CLN5: variants seen among roughly 807,000 people sequenced by gnomAD.
CLN5 encodes CLN5 lysosomal BMP synthase, also known as bis(monoacylglycero)phosphate synthase CLN5.
A neutral mutation model predicts 36.7 loss-of-function variants in CLN5; 34 were observed. That is an observed-to-expected ratio of 0.93 (90% CI 0.71 to 1.23). The LOEUF is 1.23. Among genes scored for constraint, CLN5 ranks in the 50% most tolerant of loss-of-function variants. The pLI is 0.00. For synonymous variants in CLN5, 151 were observed against 155.1 expected (o/e 0.97, Z 0.20); for missense variants, 427 against 439.4 (o/e 0.97, Z 0.25).
At position 77,000,361 on chromosome 13, in the gene CLN5, G is replaced by A. The variant is rs67836242; in HGVS notation, c.566-97G>A. 34,366 of 1,180,594 alleles carry A rather than the reference G, an allele frequency of 0.029. 995 individuals carry two copies. Among genetic ancestry groups the A allele is most frequent in the African/African-American group, 0.13 (7,938 of 62,950 alleles). The allele number at this position is 1,180,594 out of a possible 1,614,324, so 73.1% of individuals were successfully genotyped here. On this transcript the variant is annotated intron_variant, in intron 3 of 3. Transcript: ENST00000377453. ...GATGTTACCACCGCACTCTAGCCTC[G>A]GCAACAGAGGGAGACCTGTCTTAAA...
chr13:76,995,382 T>TA (rs2034248436), intron 2 of CLN5, 154 bp downstream of exon 2: 1 of 714,918 alleles, frequency 1.4e-6, no homozygotes, highest in Admixed American at 2.2e-5. Context: ...AAATAGTTAC[T>TA]ATCAGATTTT....
intron 1 of CLN5, chr13:76,994,855 G>A (rs768933518): frequency 1.8e-5 from 9 of 513,086 alleles, no homozygotes; most frequent in South Asian, 2.5e-5. Flanking sequence ...AGGGAAGCCC[G>A]TATTTATCAG....
At position 77,000,694 on chromosome 13, in the gene CLN5, TATCTGGGAAATGAAAC is replaced by T. The variant is rs386833983; in HGVS notation, c.808_823del (p.Gly270PhefsTer12). 5.9e-5 allele frequency: 96 copies of T among 1,614,036 alleles called. No homozygotes were observed. The highest frequency in any genetic ancestry group is 7.7e-5 in the Non-Finnish European group (91 of 1,180,012). ...ATTTCTTTACAGTGGAGAACCTACT[TATCTGGGAAATGAAAC>T]ATCTGTTTTTGGGCCAACAGGAAAC... On this transcript the variant is annotated frameshift_variant, in exon 4 of 4. Transcript: ENST00000377453. LOFTEE classifies it high-confidence loss of function.
chr13:76,998,359 A>T (rs1000253633), intron 3 of CLN5: 7 of 152,188 alleles, frequency 4.6e-5, no homozygotes, highest in African/African-American at 1.4e-4. Context: ...GTCACATTTT[A>T]TATCTTATTG....
At position 76,995,121 on chromosome 13, in the gene CLN5, C is replaced by A; in HGVS notation, c.232C>A (p.Pro78Thr). The change falls in exon 2 of 4, where the codon CCA (proline) becomes ACA (threonine). Residue 78 changes from proline (P) to threonine (T), a missense_variant. Coordinates refer to ENST00000377453, the MANE Select transcript of CLN5 (RefSeq NM_006493.4). ...PYCQAKYTFC[P>T]TGSPIPVMEG... is the part of the protein sequence containing the mutation. Reference sequence around the variant, plus strand: ...TTGTCAAGCTAAGTATACTTTCTGTCCAACTGGCTCACCTATCCCAGTTAT... The same window carrying A: ...TTGTCAAGCTAAGTATACTTTCTGTACAACTGGCTCACCTATCCCAGTTAT... The A allele has an allele frequency of 1.9e-6, 3 of 1,614,098 alleles. No individual in the cohort carries two copies. Among genetic ancestry groups the A allele is most frequent in the Non-Finnish European group, 2.5e-6 (3 of 1,179,964 alleles).
At chr13:76,995,339 G>A in intron 2 of CLN5, 111 bp downstream of exon 2, 1 of 969,406 alleles carries the variant, frequency 1.0e-6, no homozygotes, top group Non-Finnish European at 1.7e-6. Flanking sequence ...TCATGTTGGT[G>A]TTTGTCTTAG....
intron 3 of CLN5, 143 bp downstream of exon 3, chr13:76,996,270 G>T: frequency 5.7e-6 from 4 of 704,660 alleles, no homozygotes; most frequent in South Asian, 3.7e-5. Flanking sequence ...TTAAACTTTG[G>T]GAATTTTTTT....
rs2034387928 is a variant in CLN5, at chr13:77,002,957, T to C, written c.*1988T>C. On this transcript the variant is annotated 3_prime_UTR_variant, in exon 4 of 4. Coordinates refer to ENST00000377453, the MANE Select transcript of CLN5 (RefSeq NM_006493.4). The stretch of plus-strand genomic sequence containing the variant: ...TATGCAGGGAAAACAAATGAGGATA[T>C]CTGTACCTGGAACTTTTAAACAAGA... 1 of 152,158 alleles carries C rather than the reference T, an allele frequency of 6.6e-6. No individual in the cohort carries two copies. Among genetic ancestry groups the C allele is most frequent in the Admixed American group, 6.5e-5 (1 of 15,276 alleles). The allele number at this position is 152,158 out of a possible 1,614,324, so 9.4% of individuals were successfully genotyped here. A position where few individuals can be genotyped will look rare whatever the true frequency, so the allele number is the denominator to read the frequency against.
chr13:76,995,181 C>T lies in CLN5; in HGVS notation c.292C>T (p.Gln98Ter). Residue 98 changes from glutamine to a stop codon, truncating the protein, a stop_gained, in exon 2 of 4, where the codon CAA becomes TAA. Coordinates refer to ENST00000377453, the MANE Select transcript of CLN5 (RefSeq NM_006493.4). LOFTEE classifies it high-confidence loss of function. ...GDDDIEVFRL[Q>*]APVWEFKYGD... ...TGATGACATTGAAGTTTTTCGATTA[C>T]AAGCCCCAGTATGGGAATTTAAATA... 6.2e-7 allele frequency: 1 copy of T among 1,614,122 alleles called. No individual in the cohort carries two copies. Among genetic ancestry groups the T allele is most frequent in the South Asian group, 1.1e-5 (1 of 91,080 alleles).
At chr13:76,999,373 A>G (rs537479380) in intron 3 of CLN5, 1 of 152,200 alleles carries the variant, frequency 6.6e-6, no homozygotes, top group Non-Finnish European at 1.5e-5. Flanking sequence ...TGTTTTCTGA[A>G]TATTTGGAAA....
chr13:77,000,036 C>T (rs2154035072), intron 3 of CLN5: 1 of 152,090 alleles, frequency 6.6e-6, no homozygotes, highest in East Asian at 1.9e-4. Context: ...GGCATCCAGT[C>T]TTAATCAAGT....
Position 77,002,768 on chromosome 13 carries a change from G to T in CLN5, c.*1799G>T, listed in dbSNP as rs1460483632. On this transcript the variant is annotated 3_prime_UTR_variant, in exon 4 of 4. Coordinates refer to ENST00000377453, the MANE Select transcript of CLN5 (RefSeq NM_006493.4). ...CAATGTTACAAGAAAACTTGGATCT[G>T]TGCATTATCACCATCTAGTGGCTAA... The T allele has an allele frequency of 6.6e-6, 1 of 152,072 alleles. No individual in the cohort carries two copies. The highest frequency in any genetic ancestry group is 1.5e-5 in the Non-Finnish European group (1 of 68,000). The allele number at this position is 152,072 out of a possible 1,614,324, so 9.4% of individuals were successfully genotyped here.
In CLN5 at chr13:77,000,741, T is replaced by A. The variant is rs1298007915; in HGVS notation, c.849T>A (p.Thr283=). The A allele has an allele frequency of 6.2e-7, 1 of 1,614,016 alleles. No homozygotes were observed. The highest frequency in any genetic ancestry group is 8.5e-7 in the Non-Finnish European group (1 of 1,179,984). The change falls in exon 4 of 4, where the codon ACT becomes ACA. Residue 283 remains threonine, a synonymous_variant. Transcript: ENST00000377453. ...TSVFGPTGNK[T]LGLAIKRFYY... ...TTTTTGGGCCAACAGGAAACAAGAC[T>A]CTTGGTTTAGCCATAAAAAGATTTT...
At position 77,004,269 on chromosome 13, in the gene CLN5, A is replaced by G. The variant is rs766162209; in HGVS notation, c.*3300A>G. On this transcript the variant is annotated 3_prime_UTR_variant, in exon 4 of 4. Coordinates refer to ENST00000377453, the MANE Select transcript of CLN5 (RefSeq NM_006493.4). ...TCCTGTAAGATGTTTTATTTTTTAA[A>G]TAGTTGGCAGGCTATACAAAGAGTG... 6.6e-6 allele frequency: 1 copy of G among 152,230 alleles called. No homozygotes were observed. Among genetic ancestry groups the G allele is most frequent in the Non-Finnish European group, 1.5e-5 (1 of 68,038 alleles). 9.4% of individuals were successfully genotyped at this position (152,230 alleles called of 1,614,324 possible). A position where few individuals can be genotyped will look rare whatever the true frequency, so the allele number is the denominator to read the frequency against.
chr13:76,995,505 G>A (rs2034250164), intron 2 of CLN5: 4 of 510,214 alleles, frequency 7.8e-6, no homozygotes, highest in Non-Finnish European at 1.4e-5. Flanking sequence ...GAAGTGGCAG[G>A]GCAGGCAGGT....
At chr13:76,995,005 G>T in intron 1 of CLN5, 58 bp from the exon 2 acceptor site, 3 of 1,526,164 alleles carry the variant, frequency 2.0e-6, no homozygotes, top group East Asian at 2.3e-5. Context: ...TCTAAAAGAC[G>T]TGAGAAGAAT....
intron 3 of CLN5, chr13:76,997,029 TTTGCATTTCCCTGATCA>T (rs1385768422): frequency 3.3e-5 from 5 of 152,200 alleles, no homozygotes; most frequent in Admixed American, 2.6e-4. Context: ...GTGGTTTTGA[TTTGCATTTCCCTGATCA>T]TTGCATTTCC....
rs1566221492 is a variant in CLN5 at position 77,000,657 on chromosome 13, C to G, written c.765C>G (p.Asn255Lys). The G allele has an allele frequency of 3.7e-6, 6 of 1,614,016 alleles. No homozygotes were observed. Among genetic ancestry groups the G allele is most frequent in the Non-Finnish European group, 5.1e-6 (6 of 1,179,924 alleles). The change falls in exon 4 of 4, where the codon AAC becomes AAG. Residue 255 changes from asparagine to lysine, a missense_variant. By Grantham distance (94) the Asn-to-Lys change is moderately conservative. Transcript: ENST00000377453. The stretch of plus-strand genomic sequence containing the variant: ...CAGAGTTCAAGAACATAGAAACCAA[C>G]TATACAAGAATATTTCTTTACAGTG... The part of the protein sequence containing the change: ...FGAEFKNIET[N>K]YTRIFLYSGE...
rs1347078686 is a variant in CLN5 at position 77,003,808 on chromosome 13, G to A, written c.*2839G>A. ...CTGAAAATACAAAAATTAGCTGGTTGTGGTGGAGCATGCCTGTAGTCCCAG... is the reference window on the plus strand; with the variant it reads ...CTGAAAATACAAAAATTAGCTGGTTATGGTGGAGCATGCCTGTAGTCCCAG... On this transcript the variant is annotated 3_prime_UTR_variant, in exon 4 of 4. Coordinates refer to ENST00000377453, the MANE Select transcript of CLN5 (RefSeq NM_006493.4). 1 of 152,260 alleles carries A rather than the reference G, an allele frequency of 6.6e-6. No individual in the cohort carries two copies. The highest frequency in any genetic ancestry group is 1.5e-5 in the Non-Finnish European group (1 of 68,102). 9.4% of individuals were successfully genotyped at this position (152,260 alleles called of 1,614,324 possible).
Sources: gnomAD v4.1 joint callset for allele counts on GRCh38, gnomAD v4.1.1 for gene constraint, MANE v1.5 for transcripts, NCBI Gene and HGNC (gene_info 2026-07-23, HGNC 2026-07-21) for gene names.